The following PDZRN4 variants were observed in gnomAD, a reference collection of about 807,000 sequenced individuals.
The protein encoded by PDZRN4 is PDZ domain-containing RING finger protein 4.
A neutral mutation model predicts 99.0 loss-of-function variants in PDZRN4; 70 were observed. That is an observed-to-expected ratio of 0.71 (90% CI 0.58 to 0.86). PDZRN4 has a LOEUF of 0.86. Ranked by LOEUF, PDZRN4 falls within the 40% of genes least tolerant of loss-of-function variation. The pLI is 0.00. For synonymous variants in PDZRN4, 551 were observed against 501.6 expected (o/e 1.10, Z -1.32); for missense variants, 1,474 against 1,331.2 (o/e 1.11, Z -1.67).
intron 3 of PDZRN4, among the ~76,000 whole-genome samples, chr12:41,256,946 A>G (rs1229117677): frequency 6.6e-6 from 1 of 152,158 alleles, no homozygotes; most frequent in African/African-American, 2.4e-5. Flanking sequence ...ACATATCACC[A>G]TATTTCATTG....
chr12:41,482,420 G>A (rs890201643), intron 3 of PDZRN4, among the ~76,000 whole-genome samples: 2 of 152,148 alleles, frequency 1.3e-5, no homozygotes, highest in African/African-American at 4.8e-5. Context: ...GGAAAAAAAG[G>A]AAGAGGGAAA....
intron 3 of PDZRN4, among the ~76,000 whole-genome samples, chr12:41,232,643 G>GTT (rs199635282): frequency 3.3e-5 from 5 of 151,726 alleles, no homozygotes; most frequent in Non-Finnish European, 5.9e-5. Flanking sequence ...TCTGATGGTA[G>GTT]ATTTTTGCTG....
At chr12:41,476,301 T>C (rs1374858279) in intron 3 of PDZRN4, among the ~76,000 whole-genome samples, 1 of 152,222 alleles carries the variant, frequency 6.6e-6, no homozygotes, top group African/African-American at 2.4e-5. Context: ...CCATGCTATG[T>C]ATGCATTGCT....
At chr12:41,280,887 G>A (rs868709005) in intron 3 of PDZRN4, among the ~76,000 whole-genome samples, 22 of 152,290 alleles carry the variant, frequency 1.4e-4, no homozygotes, top group Middle Eastern at 3.4e-3. Context: ...GCCTCCTCAA[G>A]TGGGTCCCTG....
chr12:41,190,208 G>A (rs113137824), intron 1 of PDZRN4, among the ~76,000 whole-genome samples: 2 of 152,300 alleles, frequency 1.3e-5, no homozygotes, highest in African/African-American at 2.4e-5. Context: ...GTTTAGAAGC[G>A]CCCGTCTTGA....
At chr12:41,406,089 T>C (rs887238351) in intron 3 of PDZRN4, among the ~76,000 whole-genome samples, 2 of 151,652 alleles carry the variant, frequency 1.3e-5, no homozygotes, top group African/African-American at 4.8e-5. Flanking sequence ...TATTTAAAAC[T>C]AAAAAAAACC....
intron 3 of PDZRN4, among the ~76,000 whole-genome samples, chr12:41,420,216 A>G (rs1952477530): frequency 6.6e-6 from 1 of 152,092 alleles, no homozygotes; most frequent in Non-Finnish European, 1.5e-5. Context: ...ATCTTCCTTC[A>G]ATCAGTACCT....
intron 3 of PDZRN4, among the ~76,000 whole-genome samples, chr12:41,278,244 G>A (rs938212903): frequency 7.2e-5 from 11 of 152,152 alleles, no homozygotes; most frequent in African/African-American, 2.7e-4. Flanking sequence ...TAAGTCTTAT[G>A]TTATATTCAG....
intron 3 of PDZRN4, among the ~76,000 whole-genome samples, chr12:41,196,241 A>G (rs919373605): frequency 6.6e-6 from 1 of 152,138 alleles, no homozygotes; most frequent in African/African-American, 2.4e-5. Context: ...GGTCAACCAC[A>G]GAAATTCAAA....
At chr12:41,356,234 G>T in intron 3 of PDZRN4, among the ~76,000 whole-genome samples, 1 of 151,950 alleles carries the variant, frequency 6.6e-6, no homozygotes, top group Non-Finnish European at 1.5e-5. Context: ...AGAATCATAA[G>T]AATATTTTTA....
intron 3 of PDZRN4, among the ~76,000 whole-genome samples, chr12:41,383,546 T>G (rs992857362): frequency 2.0e-5 from 3 of 152,222 alleles, no homozygotes; most frequent in African/African-American, 7.2e-5. Flanking sequence ...CAGAAGGATC[T>G]GAGTAAACTC....
At chr12:41,195,576 T>A (rs1431923155) in intron 3 of PDZRN4, among the ~76,000 whole-genome samples, 2 of 151,852 alleles carry the variant, frequency 1.3e-5, no homozygotes, top group African/African-American at 4.8e-5. Context: ...CTACAAAATT[T>A]AGAAAAAAAA....
chr12:41,398,972 C>T (rs1213667311), intron 3 of PDZRN4, among the ~76,000 whole-genome samples: 1 of 152,052 alleles, frequency 6.6e-6, no homozygotes. Flanking sequence ...ATTTGTAAAA[C>T]ACTCTCAGCT....
chr12:41,510,026 C>G, intron 5 of PDZRN4, 113 bp downstream of exon 5: 1 of 558,322 alleles, frequency 1.8e-6, no homozygotes, highest in Non-Finnish European at 3.2e-6. Flanking sequence ...TATTACATAT[C>G]CAGTGTAAGA....
At chr12:41,338,928 A>C (rs1951795064) in intron 3 of PDZRN4, among the ~76,000 whole-genome samples, 1 of 152,182 alleles carries the variant, frequency 6.6e-6, no homozygotes, top group East Asian at 1.9e-4. Context: ...TCAAAGAAGG[A>C]ACAAAAAAAT....
intron 3 of PDZRN4, among the ~76,000 whole-genome samples, chr12:41,503,535 A>G (rs999314179): frequency 7.9e-5 from 12 of 152,212 alleles, no homozygotes; most frequent in African/African-American, 2.9e-4. Flanking sequence ...TTTCCTCAGA[A>G]AAAACTATAC....
At chr12:41,249,138 C>G (rs903906007) in intron 3 of PDZRN4, among the ~76,000 whole-genome samples, 8 of 152,080 alleles carry the variant, frequency 5.3e-5, no homozygotes, top group Non-Finnish European at 1.2e-4. Flanking sequence ...TATACACACA[C>G]AGAGATAGAG....
chr12:41,296,699 C>A (rs1322649263), intron 3 of PDZRN4, among the ~76,000 whole-genome samples: 1 of 152,150 alleles, frequency 6.6e-6, no homozygotes, highest in East Asian at 1.9e-4. Flanking sequence ...GTGGCTTACA[C>A]CTGTAATCCC....
intron 3 of PDZRN4, among the ~76,000 whole-genome samples, chr12:41,400,514 G>C (rs1260623784): frequency 6.6e-6 from 1 of 152,090 alleles, no homozygotes; most frequent in East Asian, 1.9e-4. Context: ...TCATGGGTTT[G>C]GGTTTTTTTT....
Sources: gnomAD v4.1 joint callset for allele counts (sites outside exome capture counted in the v4.1 genomes callset) on GRCh38, gnomAD v4.1.1 for gene constraint, MANE v1.5 for transcripts, NCBI Gene and HGNC (gene_info 2026-07-23, HGNC 2026-07-21) for gene names.